The following PIBF1 variants were observed in gnomAD, a reference collection of about 807,000 sequenced individuals.
PIBF1 encodes the protein progesterone immunomodulatory binding factor 1.
In PIBF1, 90 loss-of-function variants were observed where a neutral mutation model predicts 112.5. The observed-to-expected ratio is 0.80, with a 90% CI of 0.67 to 0.95. The LOEUF (loss-of-function observed/expected upper bound fraction) is 0.95, where lower values mean the gene tolerates loss of function less well. Among genes scored for constraint, PIBF1 ranks in the 40% least tolerant of loss-of-function variants. PIBF1 has a pLI of 0.00. For synonymous variants in PIBF1, 301 were observed against 288.6 expected (o/e 1.04, Z -0.44); for missense variants, 915 against 852.3 (o/e 1.07, Z -0.92).
intron 10 of PIBF1, among the ~76,000 whole-genome samples, chr13:72,892,749 C>T (rs1048248868): frequency 2.0e-5 from 3 of 149,836 alleles, no homozygotes; most frequent in Non-Finnish European, 4.4e-5. Context: ...ATTTCTTCTC[C>T]CTAGAATACT....
rs1256957948 is a variant in PIBF1 at position 72,809,495 on chromosome 13, A to T, written c.672+11469A>T. Among the ~76,000 whole-genome samples the T allele has an allele frequency of 1.3e-5, 2 of 151,658 alleles. 1 individual carries two copies. Among genetic ancestry groups the T allele is most frequent in the Middle Eastern group, 6.4e-3 (2 of 314 alleles). ...AATTCTGTTAAAGCCACATGAAATC[A>T]TTAAAGCCACACAATTACACAGTTA... is the stretch of plus-strand genomic sequence containing the variant. On this transcript the variant is annotated intron_variant, in intron 5 of 17. Transcript: ENST00000326291.
intron 5 of PIBF1, among the ~76,000 whole-genome samples, chr13:72,818,954 G>A (rs542378091): frequency 2.0e-5 from 3 of 151,890 alleles, no homozygotes; most frequent in African/African-American, 4.8e-5. Flanking sequence ...AGTTTTCCAC[G>A]TTTCTTGTCG....
chr13:72,929,300 GGCTTA>G (rs2041631182), intron 13 of PIBF1, among the ~76,000 whole-genome samples: 1 of 152,018 alleles, frequency 6.6e-6, no homozygotes, highest in Non-Finnish European at 1.5e-5. Flanking sequence ...TTCACATTAA[GGCTTA>G]TTTTATTTGT....
Position 72,887,189 on chromosome 13 carries a change from G to A in PIBF1, c.1323-6595G>A, listed in dbSNP as rs532172038. The stretch of plus-strand genomic sequence containing the variant: ...TATATTTAAAATTTTTAAATATACA[G>A]ATAACTAAAAAGCAAAAGAAAACAG... On this transcript the variant is annotated intron_variant, in intron 10 of 17. Transcript: ENST00000326291. 2.4e-3 allele frequency among the ~76,000 whole-genome samples: 363 copies of A among 151,542 alleles called. 1 individual carries two copies. The highest frequency in any genetic ancestry group is 8.2e-3 in the African/African-American group (340 of 41,362).
chr13:73,006,309 AAT>A (rs564138991), intron 17 of PIBF1, among the ~76,000 whole-genome samples: 126 of 152,264 alleles, frequency 8.3e-4, no homozygotes, highest in African/African-American at 3.0e-3. Flanking sequence ...TACATTTTTA[AAT>A]ATTCATTTTT....
chr13:72,966,848 G>T (rs1594285974), intron 15 of PIBF1, among the ~76,000 whole-genome samples: 1 of 152,094 alleles, frequency 6.6e-6, no homozygotes, highest in East Asian at 1.9e-4. Flanking sequence ...GACGGAGGTT[G>T]CAGTGAGCTG....
intron 5 of PIBF1, among the ~76,000 whole-genome samples, chr13:72,804,028 C>A (rs1490435302): frequency 6.6e-6 from 1 of 152,132 alleles, no homozygotes; most frequent in Non-Finnish European, 1.5e-5. Context: ...CTTTCCTCTT[C>A]AGTCTGTGGG....
At chr13:72,979,915 ACT>A (rs1284862688) in intron 16 of PIBF1, among the ~76,000 whole-genome samples, 1 of 151,950 alleles carries the variant, frequency 6.6e-6, no homozygotes, top group Non-Finnish European at 1.5e-5. Context: ...ACAGAGCAAG[ACT>A]CTGTCTCAAA....
Position 72,917,564 on chromosome 13 carries a change from T to G in PIBF1, c.1730+398T>G, listed in dbSNP as rs565982090. 3.3e-5 allele frequency among the ~76,000 whole-genome samples: 5 copies of G among 152,290 alleles called. No homozygotes were observed. In the South Asian group the frequency reaches 1.0e-3, roughly 32 times the overall value. ...CATGTTAGGGAGAGTGATTTGGAAT[T>G]AATGCATATATTGTAATTGAAACTA... On this transcript the variant is annotated intron_variant, in intron 13 of 17. Coordinates refer to ENST00000326291, the MANE Select transcript of PIBF1 (RefSeq NM_006346.4).
chr13:72,841,614 T>C lies in PIBF1; in HGVS notation c.1223+6246T>C, dbSNP rs907138785. Among the ~76,000 whole-genome samples, 4 of 151,460 alleles carry C rather than the reference T, an allele frequency of 2.6e-5. No individual in the cohort carries two copies. In the East Asian group the frequency reaches 7.8e-4, roughly 29 times the overall value. On this transcript the variant is annotated intron_variant, in intron 9 of 17. Transcript: ENST00000326291. ...GGCAGAACCCCGTCTCTAGTGAAAA[T>C]ACAAAAAAAATTAGCCAGGCGTGGT... is the stretch of plus-strand genomic sequence containing the variant.
At chr13:72,813,335 C>G (rs961301671) in intron 5 of PIBF1, among the ~76,000 whole-genome samples, 8 of 152,194 alleles carry the variant, frequency 5.3e-5, no homozygotes, top group African/African-American at 1.9e-4. Flanking sequence ...TCTCAGCTGT[C>G]TTCTGGCAGG....
chr13:72,934,940 T>C (rs776662806), intron 14 of PIBF1, among the ~76,000 whole-genome samples: 5 of 151,670 alleles, frequency 3.3e-5, no homozygotes, highest in East Asian at 1.9e-4. Flanking sequence ...TTACTTTCAG[T>C]TACTGTAGGT....
intron 14 of PIBF1, among the ~76,000 whole-genome samples, chr13:72,958,732 G>A (rs147703638): frequency 4.6e-5 from 7 of 152,208 alleles, no homozygotes; most frequent in African/African-American, 7.2e-5. Flanking sequence ...AAATATTACC[G>A]CTGTTAAAGA....
intron 14 of PIBF1, among the ~76,000 whole-genome samples, chr13:72,942,265 T>TAAAAA (rs35561447): frequency 7.4e-6 from 1 of 134,792 alleles, no homozygotes; most frequent in Admixed American, 7.4e-5. Flanking sequence ...TTCAATGATG[T>TAAAAA]AAAAAAAAAA....
At chr13:72,806,492 T>C (rs80164531) in intron 5 of PIBF1, among the ~76,000 whole-genome samples, 1 of 152,120 alleles carries the variant, frequency 6.6e-6, no homozygotes, top group Non-Finnish European at 1.5e-5. Flanking sequence ...GTATCTACAT[T>C]AGGTATTTCA....
chr13:72,993,224 C>CT (rs1485172011), intron 16 of PIBF1, among the ~76,000 whole-genome samples: 1 of 151,902 alleles, frequency 6.6e-6, no homozygotes, highest in African/African-American at 2.4e-5. Flanking sequence ...ACTCAGGAGG[C>CT]TAAGGTGGGA....
rs2041633060 is a variant in PIBF1, at chr13:72,929,358, A to AAC, written c.1731-1807_1731-1806insAC. On this transcript the variant is annotated intron_variant, in intron 13 of 17. Coordinates refer to ENST00000326291, the MANE Select transcript of PIBF1 (RefSeq NM_006346.4). ...AGGGTCAAATTAGAGAGAACTTAGTATATTTTTATTGGGAAATGAAGAACA... is the reference window on the plus strand; with the variant it reads ...AGGGTCAAATTAGAGAGAACTTAGTAACTATTTTTATTGGGAAATGAAGAACA... Among the ~76,000 whole-genome samples, 3 of 152,206 alleles carry AAC rather than the reference A, an allele frequency of 2.0e-5. No homozygotes were observed. The South Asian group carries it at 6.2e-4, about 31-fold the overall frequency.
chr13:72,970,856 A>C (rs1002364242), intron 15 of PIBF1: 2 of 152,138 alleles, frequency 1.3e-5, no homozygotes, highest in Non-Finnish European at 2.9e-5. Context: ...GTTCGAGTAT[A>C]TTATAAAGAA....
At chr13:72,888,946 T>C (rs766079760) in intron 10 of PIBF1, among the ~76,000 whole-genome samples, 4 of 151,910 alleles carry the variant, frequency 2.6e-5, no homozygotes, top group African/African-American at 4.8e-5. Flanking sequence ...ACACCTGTAA[T>C]CCCAGCACTT....
Sources: allele counts gnomAD v4.1 joint callset (sites outside exome capture counted in the v4.1 genomes callset), GRCh38; gene constraint gnomAD v4.1.1; transcripts MANE v1.5; gene names NCBI Gene and HGNC (gene_info 2026-07-23, HGNC 2026-07-21).